JAK1: variants seen among roughly 807,000 people sequenced by gnomAD.
JAK1 encodes the protein tyrosine-protein kinase JAK1.
Under a neutral mutation model 136.6 loss-of-function variants are expected in JAK1, and 16 were observed. The observed-to-expected ratio is 0.12, with a 90% confidence interval of 0.08 to 0.18. JAK1 has a LOEUF of 0.18. Among genes scored for constraint, JAK1 ranks in the 10% least tolerant of loss-of-function variants. JAK1 has a pLI of 1.00. For synonymous variants in JAK1, 492 were observed against 519.5 expected (o/e 0.95, Z 0.72); for missense variants, 859 against 1,450.1 (o/e 0.59, Z 6.62).
At chr1:65,047,852 T>C (rs775062765) in intron 1 of JAK1, among the ~76,000 whole-genome samples, 3 of 151,620 alleles carry the variant, frequency 2.0e-5, no homozygotes, top group Non-Finnish European at 2.9e-5. Context: ...TATGAACAAA[T>C]AAGGCAGAAA....
intron 17 of JAK1, 92 bp from the exon 18 acceptor site, chr1:64,841,693 G>C: frequency 7.9e-7 from 1 of 1,262,120 alleles, no homozygotes; most frequent in Admixed American, 1.8e-5. Context: ...TTCCTCATTC[G>C]ATTCTCAACA....
intron 2 of JAK1, among the ~76,000 whole-genome samples, chr1:65,025,412 T>G (rs1646969919): frequency 6.6e-6 from 1 of 152,120 alleles, no homozygotes; most frequent in Non-Finnish European, 1.5e-5. Context: ...TCCACTACAG[T>G]GCTTCCCAAC....
At chr1:65,057,600 G>C (rs900735265) in intron 1 of JAK1, among the ~76,000 whole-genome samples, 1 of 152,046 alleles carries the variant, frequency 6.6e-6, no homozygotes, top group Non-Finnish European at 1.5e-5. Flanking sequence ...GAGGTGGGAG[G>C]ATTGCTTGAG....
In JAK1 at chr1:65,052,899, C is replaced by T. The variant is rs1420458008; in HGVS notation, c.-180-8317G>A. Among the ~76,000 whole-genome samples the T allele has an allele frequency of 4.8e-5, 7 of 145,894 alleles. 1 individual carries two copies. The highest frequency in any genetic ancestry group is 4.4e-4 in the South Asian group (2 of 4,594). On this transcript the variant is annotated intron_variant, in intron 1 of 25. Coordinates refer to the JAK1 transcript ENST00000671954. ...AAAAAAAATTAGCCAAGCATGGCGG[C>T]GCATGCCTGTAATCCCAGCTACTCA...
rs576394039 is a variant in JAK1, at chr1:64,879,305, C to T, written c.206-157G>A. Among the ~76,000 whole-genome samples, 114 of 152,302 alleles carry T rather than the reference C, an allele frequency of 7.5e-4. No homozygotes were observed. The South Asian group carries it at 0.011, about 15-fold the overall frequency. ...GGGCAAACAGACTTCCGACCAGGTT[C>T]GGTCAGGCTGTTTTGATCATAATCA... On this transcript the variant is annotated intron_variant, in intron 3 of 24. Coordinates refer to ENST00000342505, the MANE Select transcript of JAK1 (RefSeq NM_002227.4).
chr1:64,864,815 C>G lies in JAK1; in HGVS notation c.1148G>C (p.Ser383Thr), dbSNP rs1472237426. 9.9e-6 allele frequency: 16 copies of G among 1,613,242 alleles called. No homozygotes were observed. Among genetic ancestry groups the G allele is most frequent in the Non-Finnish European group, 1.4e-5 (16 of 1,179,774 alleles). Reference sequence around the variant, plus strand: ...TTTCTTGTTGTCCTGCTTGTTAATGCTGACCACAGACTCCTTTATTACAAT... The same window carrying G: ...TTTCTTGTTGTCCTGCTTGTTAATGGTGACCACAGACTCCTTTATTACAAT... ...THIVIKESVV[S>T]INKQDNKKME... The change falls in exon 8 of 25, where the codon AGC becomes ACC. Residue 383 changes from serine (S) to threonine (T), a missense_variant. Transcript: ENST00000342505.
intron 2 of JAK1, among the ~76,000 whole-genome samples, chr1:65,031,265 A>C (rs1647021798): frequency 6.6e-6 from 1 of 152,154 alleles, no homozygotes; most frequent in African/African-American, 2.4e-5. Flanking sequence ...ATAAAGCAGC[A>C]TCATGTACTT....
At chr1:64,914,864 A>C (rs552146338) in intron 1 of JAK1, among the ~76,000 whole-genome samples, 95 of 152,284 alleles carry the variant, frequency 6.2e-4, no homozygotes, top group African/African-American at 2.2e-3. Flanking sequence ...GTGCCCAGCC[A>C]AACACATGGT....
chr1:64,835,486 G>A lies in JAK1; in HGVS notation c.3279C>T (p.Gly1093=), dbSNP rs1654425364. ...SPMALFLKMI[G]PTHGQMTVTR... is the part of the protein sequence containing the mutation. ...TGACTGTCATCTGGCCATGGGTTGG[G>A]CCTATCATTTTCAGGAACAACTATA... The change falls in exon 24 of 25, where the codon GGC becomes GGT. Residue 1093 remains glycine (G), a synonymous_variant. Coordinates refer to ENST00000342505, the MANE Select transcript of JAK1 (RefSeq NM_002227.4). 6.3e-7 allele frequency: 1 copy of A among 1,591,948 alleles called. No homozygotes were observed.
intron 2 of JAK1, among the ~76,000 whole-genome samples, chr1:64,979,370 G>A (rs1291075245): frequency 6.6e-6 from 1 of 152,170 alleles, no homozygotes; most frequent in African/African-American, 2.4e-5. Context: ...TTGCACCCCA[G>A]AATGGGTGAC....
chr1:64,869,958 T>G (rs1479221027), intron 5 of JAK1, among the ~76,000 whole-genome samples: 1 of 152,190 alleles, frequency 6.6e-6, no homozygotes, highest in Non-Finnish European at 1.5e-5. Context: ...CATCACCACA[T>G]GTACATTTTC....
At chr1:65,003,396 G>A (rs1480004268) in intron 2 of JAK1, 1 of 152,056 alleles carries the variant, frequency 6.6e-6, no homozygotes, top group African/African-American at 2.4e-5. Context: ...AAAGTGTTTC[G>A]ATTTGTTTGG....
intron 1 of JAK1, among the ~76,000 whole-genome samples, chr1:65,050,769 T>C (rs190399514): frequency 3.7e-4 from 57 of 152,304 alleles, no homozygotes; most frequent in Admixed American, 1.7e-3. Flanking sequence ...TCTAACTCTG[T>C]TTCGAAGCCT....
intron 1 of JAK1, among the ~76,000 whole-genome samples, chr1:64,890,408 C>G (rs1644917531): frequency 6.6e-6 from 1 of 152,220 alleles, no homozygotes; most frequent in African/African-American, 2.4e-5. Flanking sequence ...TAGGTTCCCA[C>G]TAACTCTATA....
At chr1:64,868,502 T>C (rs1656851207) in intron 6 of JAK1, among the ~76,000 whole-genome samples, 2 of 152,194 alleles carry the variant, frequency 1.3e-5, no homozygotes, top group African/African-American at 4.8e-5. Context: ...AAAGAGGAAG[T>C]ACCCAAAGTG....
intron 1 of JAK1, among the ~76,000 whole-genome samples, chr1:64,933,969 A>C (rs1461865788): frequency 6.6e-6 from 1 of 152,248 alleles, no homozygotes; most frequent in Non-Finnish European, 1.5e-5. Context: ...AGCAATACAC[A>C]CTAAAAGACA....
At chr1:64,838,403 C>T in intron 21 of JAK1, 62 bp downstream of exon 21, 1 of 1,550,726 alleles carries the variant, frequency 6.4e-7, no homozygotes, top group Non-Finnish European at 8.8e-7. Flanking sequence ...AAATTACAAA[C>T]CAATTACCCA....
intron 20 of JAK1, 79 bp downstream of exon 20, chr1:64,839,524 G>T: frequency 7.9e-7 from 1 of 1,260,324 alleles, no homozygotes; most frequent in Non-Finnish European, 1.1e-6. Flanking sequence ...AGGCCACGGA[G>T]TGCCTGTTTT....
In JAK1 at chr1:64,834,583, TC is replaced by T. The variant is rs1489154835; in HGVS notation, c.3443del (p.Gly1148AspfsTer6). 1 of 1,608,500 alleles carries T rather than the reference TC, an allele frequency of 6.2e-7. No homozygotes were observed. The highest frequency in any genetic ancestry group is 8.5e-7 in the Non-Finnish European group (1 of 1,175,334). ...CTTCTTATTTTAAAAGTGCTTCAAA[TC>T]CTTCAATAAGGTTCTGAAAGCTTGT... is the stretch of plus-strand genomic sequence containing the variant. ...NRTSFQNLIE[G>X]FEALLK On this transcript the variant is annotated frameshift_variant, in exon 25 of 25. Coordinates refer to ENST00000342505, the MANE Select transcript of JAK1 (RefSeq NM_002227.4). LOFTEE classifies it high-confidence loss of function.
Sources: gnomAD v4.1 joint callset for allele counts (sites outside exome capture counted in the v4.1 genomes callset) on GRCh38, gnomAD v4.1.1 for gene constraint, MANE v1.5 for transcripts, NCBI Gene and HGNC (gene_info 2026-07-23, HGNC 2026-07-21) for gene names.